OTOP1: variants seen among roughly 807,000 people sequenced by gnomAD.
OTOP1 encodes the protein otopetrin 1.
Under a neutral mutation model 52.9 loss-of-function variants are expected in OTOP1, and 59 were observed. The ratio of observed to expected loss-of-function variants is 1.12; its 90% CI spans 0.91 to 1.39. The LOEUF is 1.39. OTOP1 is among the 40% of genes most tolerant of loss of function. The probability of loss-of-function intolerance (pLI) is 0.00; values close to 1 mark genes in which losing one functional copy is unlikely to be tolerated. For synonymous variants in OTOP1, 317 were observed against 337.7 expected (o/e 0.94, Z 0.67); for missense variants, 761 against 800.9 (o/e 0.95, Z 0.60).
intron 1 of OTOP1, among the ~76,000 whole-genome samples, chr4:4,219,946 T>C (rs1202398178): frequency 2.1e-5 from 3 of 143,660 alleles, no homozygotes; most frequent in African/African-American, 7.9e-5. Flanking sequence ...TATATACACA[T>C]ATATACGTAT....
At chr4:4,191,017 G>C (rs1027417057) in intron 5 of OTOP1, among the ~76,000 whole-genome samples, 2 of 152,240 alleles carry the variant, frequency 1.3e-5, no homozygotes, top group South Asian at 4.1e-4. Context: ...AGAACCCCAG[G>C]CTCATAGTTT....
chr4:4,213,103 G>A, intron 1 of OTOP1, 99 bp from the exon 2 acceptor site: 2 of 1,402,696 alleles, frequency 1.4e-6, no homozygotes, highest in Non-Finnish European at 1.9e-6. Context: ...AAACCCTTAT[G>A]TATATGGTCA....
chr4:4,202,528 C>A lies in OTOP1; in HGVS notation c.650G>T (p.Gly217Val). 1.9e-6 allele frequency: 3 copies of A among 1,614,080 alleles called. No homozygotes were observed. Among genetic ancestry groups the A allele is most frequent in the South Asian group, 2.2e-5 (2 of 91,078 alleles). ...VFTNLLLWAN[G>V]VLNESKHQLN... ...TTGGTGCTTTGACTCATTGAGGACG[C>A]CATTGGCCCACAGAAGCAGGTTGGT... is the stretch of plus-strand genomic sequence containing the variant. The change falls in exon 4 of 6, where the codon GGC becomes GTC. Residue 217 changes from glycine to valine, a missense_variant. Transcript: ENST00000296358.
intron 1 of OTOP1, among the ~76,000 whole-genome samples, chr4:4,223,488 A>G (rs1436794126): frequency 6.6e-6 from 1 of 152,186 alleles, no homozygotes; most frequent in African/African-American, 2.4e-5. Context: ...GAAGAGGATG[A>G]TGGTTCTAGG....
chr4:4,198,499 TG>T (rs2108797725), intron 4 of OTOP1, among the ~76,000 whole-genome samples: 1 of 152,338 alleles, frequency 6.6e-6, no homozygotes, highest in South Asian at 2.1e-4. Flanking sequence ...AGATGATTTT[TG>T]ATCTCTTCTA....
chr4:4,207,582 A>G (rs1408166720), intron 2 of OTOP1, among the ~76,000 whole-genome samples: 1 of 120,820 alleles, frequency 8.3e-6, no homozygotes, highest in Non-Finnish European at 1.7e-5. Flanking sequence ...CGGTCCAGCA[A>G]TACCACTTCT....
intron 1 of OTOP1, among the ~76,000 whole-genome samples, chr4:4,214,999 A>T (rs1717108285): frequency 6.6e-6 from 1 of 152,242 alleles, no homozygotes; most frequent in African/African-American, 2.4e-5. Flanking sequence ...AATAAATTCT[A>T]GCCCAGGCAT....
At position 4,226,841 on chromosome 4, in the gene OTOP1, G is replaced by A. The variant is rs1717452965; in HGVS notation, c.24C>T (p.Pro8=). 7.4e-7 allele frequency: 1 copy of A among 1,346,886 alleles called. No homozygotes were observed. The highest frequency in any genetic ancestry group is 9.5e-7 in the Non-Finnish European group (1 of 1,055,088). The allele number at this position is 1,346,886 out of a possible 1,614,324, so 83.4% of individuals were successfully genotyped here. A position where few individuals can be genotyped will look rare whatever the true frequency, so the allele number is the denominator to read the frequency against. MLEGLGS[P]ASPRAAASAS... ...CGCTTGCAGCTGCCCGGGGCGAGGC[G>A]GGCGACCCCAGGCCCTCGAGCATCT... is the stretch of plus-strand genomic sequence containing the variant. The change falls in exon 1 of 6, where the codon CCC becomes CCT. Residue 8 remains proline (P), a synonymous_variant. Coordinates refer to ENST00000296358, the MANE Select transcript of OTOP1 (RefSeq NM_177998.3).
intron 5 of OTOP1, among the ~76,000 whole-genome samples, chr4:4,195,966 C>T (rs1008641866): frequency 6.6e-6 from 1 of 152,192 alleles, no homozygotes; most frequent in African/African-American, 2.4e-5. Flanking sequence ...CCCTAGCACA[C>T]AGCAAGTCTT....
At chr4:4,225,566 C>CACAAAA (rs1717410538) in intron 1 of OTOP1, among the ~76,000 whole-genome samples, 1 of 111,508 alleles carries the variant, frequency 9.0e-6, no homozygotes, top group Non-Finnish European at 1.8e-5. Flanking sequence ...AACATTGTCT[C>CACAAAA]AAAAAAAAAA....
At chr4:4,207,284 A>G (rs1328465391) in intron 2 of OTOP1, among the ~76,000 whole-genome samples, 2 of 152,224 alleles carry the variant, frequency 1.3e-5, no homozygotes, top group African/African-American at 2.4e-5. Flanking sequence ...CAGTGATTTG[A>G]AATTAGACAG....
chr4:4,199,233 T>TGTGTGTGAGAGA (rs1212354837), intron 4 of OTOP1, among the ~76,000 whole-genome samples: 2 of 98,498 alleles, frequency 2.0e-5, no homozygotes, highest in African/African-American at 8.9e-5. Flanking sequence ...TGTGTGTGTG[T>TGTGTGTGAGAGA]GAGAGAGAGA....
rs764993571 is a variant in OTOP1, at chr4:4,188,950, G to C, written c.1692C>G (p.Gly564=). The part of the protein sequence containing the change: ...NISLWIPPAF[G]CRPEYDNGLE... Reference sequence around the variant, plus strand: ...ATCCATTGTCATACTCAGGTCGACAGCCAAAGGCGGGAGGTATCCAAAGCT... The same window carrying C: ...ATCCATTGTCATACTCAGGTCGACACCCAAAGGCGGGAGGTATCCAAAGCT... Residue 564 remains glycine (G), a synonymous_variant, in exon 6 of 6, where the codon GGC becomes GGG. Transcript: ENST00000296358. 6.2e-7 allele frequency: 1 copy of C among 1,613,198 alleles called. No individual in the cohort carries two copies. The highest frequency in any genetic ancestry group is 1.7e-5 in the Admixed American group (1 of 59,894).
intron 4 of OTOP1, among the ~76,000 whole-genome samples, chr4:4,199,243 A>T (rs199926963): frequency 0.38 from 24,234 of 64,144 alleles, 5,382 homozygotes; most frequent in South Asian, 0.48. Context: ...TGAGAGAGAG[A>T]GAGAGAGAGA....
Position 4,199,233 on chromosome 4 carries a change from T to TGTGAGAGAGAGAGA in OTOP1, c.731-1131_731-1130insTCTCTCTCTCTCAC, listed in dbSNP as rs1212354837. Among the ~76,000 whole-genome samples, 12 of 98,564 alleles carry TGTGAGAGAGAGAGA rather than the reference T, an allele frequency of 1.2e-4. 1 individual carries two copies. Among genetic ancestry groups the TGTGAGAGAGAGAGA allele is most frequent in the African/African-American group, 4.9e-4 (11 of 22,632 alleles). 64.7% of individuals were successfully genotyped at this position (98,564 alleles called of 152,430 possible). On this transcript the variant is annotated intron_variant, in intron 4 of 5. Coordinates refer to ENST00000296358, the MANE Select transcript of OTOP1 (RefSeq NM_177998.3). ...ACTCAGGTAAAATTGTGTGTGTGTG[T>TGTGAGAGAGAGAGA]GAGAGAGAGAGAGAGAGAGAGAGAG...
At chr4:4,219,484 G>A (rs1340734971) in intron 1 of OTOP1, among the ~76,000 whole-genome samples, 1 of 151,920 alleles carries the variant, frequency 6.6e-6, no homozygotes, top group Admixed American at 6.6e-5. Flanking sequence ...GGCGGATCAG[G>A]ATGTCGGGAG....
intron 5 of OTOP1, among the ~76,000 whole-genome samples, chr4:4,190,619 A>G (rs578085419): frequency 6.6e-6 from 1 of 152,232 alleles, no homozygotes; most frequent in Non-Finnish European, 1.5e-5. Flanking sequence ...AGGTATTCTA[A>G]GTAATCTAGA....
chr4:4,212,016 C>T (rs1717037386), intron 2 of OTOP1, among the ~76,000 whole-genome samples: 1 of 152,058 alleles, frequency 6.6e-6, no homozygotes, highest in African/African-American at 2.4e-5. Context: ...TGTGAGATGA[C>T]AGACATAAAT....
chr4:4,220,009 ATG>A (rs533841693), intron 1 of OTOP1, among the ~76,000 whole-genome samples: 1 of 49,756 alleles, frequency 2.0e-5, no homozygotes, highest in South Asian at 8.3e-4. Flanking sequence ...ATACATATAT[ATG>A]TATATACATG....
Sources: allele counts gnomAD v4.1 joint callset (sites outside exome capture counted in the v4.1 genomes callset), GRCh38; gene constraint gnomAD v4.1.1; transcripts MANE v1.5; gene names NCBI Gene and HGNC (gene_info 2026-07-23, HGNC 2026-07-21).